The following LPIN2 variants were observed in gnomAD, a reference collection of about 807,000 sequenced individuals.
LPIN2 encodes lipin 2, also known as phosphatidate phosphatase LPIN2.
LPIN2 carries 55 observed loss-of-function variants against 111.4 expected under a neutral mutation model. That is an observed-to-expected ratio of 0.49 (90% confidence interval 0.40 to 0.62). The LOEUF (loss-of-function observed/expected upper bound fraction) is 0.62. LPIN2 is among the 20% of genes least tolerant of loss of function. LPIN2 has a pLI of 0.00. For missense variants in LPIN2, 992 were observed against 1,112.1 expected, an observed-to-expected ratio of 0.89 and a Z score of 1.54; for synonymous variants, 425 against 414.0, an observed-to-expected ratio of 1.03 and a Z score of -0.32.
chr18:2,983,187 C>T (rs1053645778), intron 1 of LPIN2, among the ~76,000 whole-genome samples: 1 of 152,170 alleles, frequency 6.6e-6, no homozygotes, highest in African/African-American at 2.4e-5. Flanking sequence ...ATAAGCTAAT[C>T]ATGTAAGGGA....
chr18:2,966,251 T>C (rs1047606215), intron 1 of LPIN2, among the ~76,000 whole-genome samples: 2 of 152,194 alleles, frequency 1.3e-5, no homozygotes, highest in African/African-American at 4.8e-5. Context: ...AATGGATACA[T>C]TCTAAACCAC....
At chr18:3,002,310 G>A (rs926216909) in intron 1 of LPIN2, among the ~76,000 whole-genome samples, 5 of 145,182 alleles carry the variant, frequency 3.4e-5, no homozygotes, top group Admixed American at 1.4e-4. Context: ...AACTGGCAGA[G>A]AATAACATTT....
chr18:2,958,401 A>T (rs548530543), intron 2 of LPIN2, among the ~76,000 whole-genome samples: 36 of 152,084 alleles, frequency 2.4e-4, no homozygotes, highest in Admixed American at 2.2e-3. Context: ...TCATGATTTC[A>T]AATTCACTTC....
chr18:2,992,007 CAA>C lies in LPIN2; in HGVS notation c.-10+21078_-10+21079del, dbSNP rs60252505. 8.8e-3 allele frequency among the ~76,000 whole-genome samples: 1,251 copies of C among 141,942 alleles called. 13 individuals carry two copies. The highest frequency in any genetic ancestry group is 0.026 in the African/African-American group (1,000 of 38,456). 93.1% of individuals were successfully genotyped at this position (141,942 alleles called of 152,430 possible). On this transcript the variant is annotated intron_variant, in intron 1 of 19. Transcript: ENST00000677752. ...TGGGCGACAGAGTGAGACTCCATCT[CAA>C]AAAAAAAAAAAAGTATAATACAATA...
chr18:2,990,949 G>A lies in LPIN2; in HGVS notation c.-10+22138C>T, dbSNP rs77741357. The A allele has an allele frequency of 2.6e-4, 146 of 564,218 alleles. 2 individuals are homozygous for A. The East Asian group carries it at 6.2e-3, about 24-fold the overall frequency. 35.0% of individuals were successfully genotyped at this position (564,218 alleles called of 1,614,324 possible). A position where few individuals can be genotyped will look rare whatever the true frequency, so the allele number is the denominator to read the frequency against. On this transcript the variant is annotated intron_variant, in intron 1 of 19. Coordinates refer to ENST00000677752, the MANE Select transcript of LPIN2 (RefSeq NM_001375808.2). ...GGGCCCTCCTCCTGGGATGATGCCA[G>A]TGGGACCTGCTCCTGGAATGAGGCT...
At position 2,928,855 on chromosome 18, in the gene LPIN2, G is replaced by A. The variant is rs556270254; in HGVS notation, c.1551-195C>T. Among the ~76,000 whole-genome samples, 23 of 152,280 alleles carry A rather than the reference G, an allele frequency of 1.5e-4. No individual in the cohort carries two copies. The East Asian group carries it at 4.1e-3, about 27-fold the overall frequency. ...CACAACTTCTCTGAACAGAGAAGCC[G>A]TAAAATCTATCAAACAGAGTAACAT... On this transcript the variant is annotated intron_variant, in intron 10 of 19. Coordinates refer to ENST00000677752, the MANE Select transcript of LPIN2 (RefSeq NM_001375808.2).
chr18:2,921,648 C>CT lies in LPIN2; in HGVS notation c.2328-2dup, dbSNP rs1252562430. The CT allele has an allele frequency of 3.8e-6, 6 of 1,582,538 alleles. No homozygotes were observed. The South Asian group carries it at 4.4e-5, about 12-fold the overall frequency. ...CTCTGGTTTCTTTTCTATCACTTCT[C>CT]TAAGAAAAAAATACAAATACAATCA... On this transcript the variant is annotated splice_acceptor_variant, in intron 17 of 19. Transcript: ENST00000677752. LOFTEE classifies it high-confidence loss of function.
chr18:3,003,869 T>C (rs896898649), intron 1 of LPIN2, among the ~76,000 whole-genome samples: 5 of 152,226 alleles, frequency 3.3e-5, no homozygotes, highest in African/African-American at 9.6e-5. Flanking sequence ...ATTTTTCTTC[T>C]TGCAGAGAGC....
intron 2 of LPIN2, among the ~76,000 whole-genome samples, chr18:2,955,047 G>C (rs187348209): frequency 2.6e-5 from 4 of 152,200 alleles, no homozygotes; most frequent in African/African-American, 2.4e-5. Flanking sequence ...AGATCACTAC[G>C]TAAGTAACAG....
At chr18:2,954,184 C>T (rs989981069) in intron 3 of LPIN2, among the ~76,000 whole-genome samples, 1 of 152,190 alleles carries the variant, frequency 6.6e-6, no homozygotes, top group South Asian at 2.1e-4. Context: ...TGAATGTATT[C>T]AAGTCAATAT....
chr18:2,920,059 TCCCAGGCCTCCAGC>T lies in LPIN2; in HGVS notation c.*220_*233del, dbSNP rs2077029319. 2 of 593,612 alleles carry T rather than the reference TCCCAGGCCTCCAGC, an allele frequency of 3.4e-6. No homozygotes were observed. The highest frequency in any genetic ancestry group is 6.0e-6 in the Non-Finnish European group (2 of 333,288). The allele number at this position is 593,612 out of a possible 1,614,324, so 36.8% of individuals were successfully genotyped here. ...ATGTGTGCGACCCACAAAGGAGGGA[TCCCAGGCCTCCAGC>T]CCCAGGCCCAGTTCCTCCCTTCTCC... is the stretch of plus-strand genomic sequence containing the variant. On this transcript the variant is annotated 3_prime_UTR_variant, in exon 20 of 20. Coordinates refer to ENST00000677752, the MANE Select transcript of LPIN2 (RefSeq NM_001375808.2).
In LPIN2 at chr18:2,920,255, A is replaced by AG. The variant is rs1568503539; in HGVS notation, c.*37dup. 19 of 1,613,270 alleles carry AG rather than the reference A, an allele frequency of 1.2e-5. No homozygotes were observed. Among genetic ancestry groups the AG allele is most frequent in the Non-Finnish European group, 1.5e-5 (18 of 1,179,648 alleles). On this transcript the variant is annotated 3_prime_UTR_variant, in exon 20 of 20. Transcript: ENST00000677752. ...CCAGCTGCCTTCCCTTGCTGTGGGGAGGGGGACCAAGCCCTGCCCACCCAC... is the reference window on the plus strand; with the variant it reads ...CCAGCTGCCTTCCCTTGCTGTGGGGAGGGGGGACCAAGCCCTGCCCACCCAC...
intron 3 of LPIN2, 122 bp from the exon 4 acceptor site, chr18:2,951,478 A>C: frequency 2.3e-6 from 2 of 863,564 alleles, no homozygotes; most frequent in East Asian, 2.6e-5. Flanking sequence ...TATTCCCTAA[A>C]GGCAAGAAAG....
intron 1 of LPIN2, among the ~76,000 whole-genome samples, chr18:3,000,815 CCCT>C (rs1231090607): frequency 6.6e-6 from 1 of 152,080 alleles, no homozygotes. Context: ...TTCCCGTGTT[CCCT>C]CCTAAGAGAC....
chr18:3,000,080 A>T (rs563968450), intron 1 of LPIN2, among the ~76,000 whole-genome samples: 17 of 145,186 alleles, frequency 1.2e-4, no homozygotes, highest in African/African-American at 3.1e-4. Flanking sequence ...GAGGAAGAGG[A>T]GAAGGAGGAA....
chr18:2,959,807 ACAAAAGT>A (rs2077679818), intron 2 of LPIN2, among the ~76,000 whole-genome samples: 2 of 152,218 alleles, frequency 1.3e-5, no homozygotes, highest in African/African-American at 4.8e-5. Flanking sequence ...AATTTAGATT[ACAAAAGT>A]TTTTACAGCT....
At chr18:2,947,983 G>A (rs761109874) in intron 4 of LPIN2, among the ~76,000 whole-genome samples, 4 of 152,298 alleles carry the variant, frequency 2.6e-5, no homozygotes, top group African/African-American at 4.8e-5. Context: ...CGCCCTGAGC[G>A]ATGAAGAGGC....
chr18:3,000,340 T>C (rs960720302), intron 1 of LPIN2, among the ~76,000 whole-genome samples: 1 of 152,156 alleles, frequency 6.6e-6, no homozygotes, highest in Non-Finnish European at 1.5e-5. Flanking sequence ...AAATAAATCA[T>C]ACAAGAAATT....
In LPIN2 at chr18:2,920,213, T is replaced by C; in HGVS notation, c.*80A>G. On this transcript the variant is annotated 3_prime_UTR_variant, in exon 20 of 20. Coordinates refer to ENST00000677752, the MANE Select transcript of LPIN2 (RefSeq NM_001375808.2). ...GTCCCCGCTGGGGAAGGCTGGTATCTGAGGTCAGCAGAAGAGCCAGCTGCC... is the reference window on the plus strand; with the variant it reads ...GTCCCCGCTGGGGAAGGCTGGTATCCGAGGTCAGCAGAAGAGCCAGCTGCC... The C allele has an allele frequency of 6.3e-7, 1 of 1,586,152 alleles. No homozygotes were observed. Among genetic ancestry groups the C allele is most frequent in the Non-Finnish European group, 8.6e-7 (1 of 1,156,820 alleles).
Sources: allele counts gnomAD v4.1 joint callset (sites outside exome capture counted in the v4.1 genomes callset), GRCh38; gene constraint gnomAD v4.1.1; transcripts MANE v1.5; gene names NCBI Gene and HGNC (gene_info 2026-07-23, HGNC 2026-07-21).